The following ABCC1 variants were observed in gnomAD, a reference collection of about 807,000 sequenced individuals.
The protein encoded by ABCC1 is multidrug resistance-associated protein 1.
ABCC1 carries 83 observed loss-of-function variants against 172.9 expected under a neutral mutation model. The observed-to-expected ratio is 0.48, with a 90% CI of 0.40 to 0.58. ABCC1 has a LOEUF of 0.58. Among genes scored for constraint, ABCC1 ranks in the 20% least tolerant of loss-of-function variants. The probability of loss-of-function intolerance (pLI) is 0.00; values close to 1 mark genes in which losing one functional copy is unlikely to be tolerated. For synonymous variants in ABCC1, 937 were observed against 825.2 expected, an observed-to-expected ratio of 1.14 and a Z score of -2.32; for missense variants, 1,817 against 2,002.7, an observed-to-expected ratio of 0.91 and a Z score of 1.77.
At chr16:16,020,618 A>G (rs547824544) in intron 5 of ABCC1, among the ~76,000 whole-genome samples, 1 of 152,166 alleles carries the variant, frequency 6.6e-6, no homozygotes, top group South Asian at 2.1e-4. Flanking sequence ...CTACCATCTG[A>G]CCCTTTACAG....
chr16:16,103,674 C>G (rs547564046), intron 20 of ABCC1, among the ~76,000 whole-genome samples: 9 of 152,178 alleles, frequency 5.9e-5, no homozygotes, highest in Middle Eastern at 3.2e-3. Flanking sequence ...TATCAGACCG[C>G]GGAGATCTGA....
intron 1 of ABCC1, among the ~76,000 whole-genome samples, chr16:15,969,514 A>G (rs2046321359): frequency 1.3e-5 from 2 of 151,896 alleles, no homozygotes; most frequent in East Asian, 1.9e-4. Context: ...CTGGGATTAC[A>G]GGCATGTGCC....
At chr16:16,122,202 G>A in intron 24 of ABCC1, 28 bp downstream of exon 24, 1 of 1,612,410 alleles carries the variant, frequency 6.2e-7, no homozygotes, top group Non-Finnish European at 8.5e-7. Context: ...GCAGGAGCGG[G>A]TGGAGGAGGC....
intron 15 of ABCC1, among the ~76,000 whole-genome samples, chr16:16,076,606 C>G (rs2050583348): frequency 6.6e-6 from 1 of 152,238 alleles, no homozygotes; most frequent in Non-Finnish European, 1.5e-5. Context: ...ATGCCTAGCA[C>G]AGAGGGTTCC....
At chr16:16,016,089 G>A (rs2151761783) in intron 4 of ABCC1, among the ~76,000 whole-genome samples, 1 of 151,426 alleles carries the variant, frequency 6.6e-6, no homozygotes, top group South Asian at 2.1e-4. Flanking sequence ...CCCCTGGGGA[G>A]CCTGCAGTGT....
At chr16:15,969,679 CT>C (rs879552597) in intron 1 of ABCC1, among the ~76,000 whole-genome samples, 223 of 146,228 alleles carry the variant, frequency 1.5e-3, no homozygotes, top group Admixed American at 1.7e-3. Context: ...AGCCCATAGT[CT>C]TTTTTTTTTT....
chr16:16,125,941 G>A, intron 26 of ABCC1, 30 bp downstream of exon 26: 3 of 1,566,584 alleles, frequency 1.9e-6, no homozygotes, highest in Non-Finnish European at 2.6e-6. Flanking sequence ...TGGACCTCTT[G>A]GTCTTTGGTG....
At chr16:16,053,119 CAGA>C (rs1383372952) in intron 11 of ABCC1, among the ~76,000 whole-genome samples, 1 of 152,176 alleles carries the variant, frequency 6.6e-6, no homozygotes, top group African/African-American at 2.4e-5. Context: ...TGACTGGAAT[CAGA>C]AGGTCTGTGA....
Position 16,056,168 on chromosome 16 carries a change from T to A in ABCC1, c.1550T>A (p.Leu517His). The A allele has an allele frequency of 6.2e-7, 1 of 1,614,080 alleles. No individual in the cohort carries two copies. The change falls in exon 12 of 31, where the codon CTT becomes CAT. Residue 517 changes from leucine (L) to histidine (H), a missense_variant. Transcript: ENST00000399410. ...CTCAATGGGATCAAAGTGCTAAAGCTTTATGCCTGGGAGCTGGCATTCAAG... is the reference window on the plus strand; with the variant it reads ...CTCAATGGGATCAAAGTGCTAAAGCATTATGCCTGGGAGCTGGCATTCAAG... Reference protein sequence around the residue: ...EILNGIKVLKLYAWELAFKDK... With the variant: ...EILNGIKVLKHYAWELAFKDK...
At chr16:15,955,986 A>C (rs1486062906) in intron 1 of ABCC1, among the ~76,000 whole-genome samples, 2 of 151,994 alleles carry the variant, frequency 1.3e-5, no homozygotes, top group Non-Finnish European at 2.9e-5. Flanking sequence ...GGTGGCTTAC[A>C]CCTGTAATCT....
At chr16:15,979,958 G>T (rs569962607) in intron 1 of ABCC1, among the ~76,000 whole-genome samples, 1 of 152,178 alleles carries the variant, frequency 6.6e-6, no homozygotes, top group South Asian at 2.1e-4. Context: ...CAGGAATTCT[G>T]CACAGTGAGT....
In ABCC1 at chr16:16,036,571, G is replaced by A. The variant is rs148057395; in HGVS notation, c.777G>A (p.Lys259=). The A allele has an allele frequency of 8.1e-6, 13 of 1,614,122 alleles. No homozygotes were observed. The African/African-American group carries it at 1.6e-4, about 20-fold the overall frequency. The change falls in exon 7 of 31, where the codon AAG becomes AAA. Residue 259 remains lysine, a synonymous_variant. Coordinates refer to ENST00000399410, the MANE Select transcript of ABCC1 (RefSeq NM_004996.4). ...AACAAGTCGTGCCTGTTTTGGTAAA[G>A]AACTGGAAGAAGGAATGCGCCAAGA... ...TSEQVVPVLV[K]NWKKECAKTR... is the part of the protein sequence containing the mutation.
intron 12 of ABCC1, 72 bp from the exon 13 acceptor site, chr16:16,068,084 G>T (rs1177633928): frequency 1.9e-6 from 3 of 1,588,028 alleles, no homozygotes; most frequent in African/African-American, 2.7e-5. Flanking sequence ...CGTCTCCAGG[G>T]CCTGTCACTG....
In ABCC1 at chr16:16,124,339, G is replaced by GTGTGTGTGTGTGTGTGTA. The variant is rs1466097333; in HGVS notation, c.3591-440_3591-439insTGTGTGTATGTGTGTGTG. ...ACTGTGTGTGTGTGTGTGTGTGTGT[G>GTGTGTGTGTGTGTGTGTA]TGTGTGTGTGATTATAGGAGTGACC... is the stretch of plus-strand genomic sequence containing the variant. On this transcript the variant is annotated intron_variant, in intron 24 of 30. Coordinates refer to ENST00000399410, the MANE Select transcript of ABCC1 (RefSeq NM_004996.4). 6.7e-5 allele frequency among the ~76,000 whole-genome samples: 9 copies of GTGTGTGTGTGTGTGTGTA among 134,506 alleles called. 1 individual carries two copies. The highest frequency in any genetic ancestry group is 8.9e-5 in the African/African-American group (3 of 33,648). 88.2% of individuals were successfully genotyped at this position (134,506 alleles called of 152,430 possible).
chr16:16,138,226 C>A, intron 29 of ABCC1, 138 bp from the exon 30 acceptor site: 1 of 660,380 alleles, frequency 1.5e-6, no homozygotes, highest in Non-Finnish European at 2.5e-6. Context: ...GCTGCAGACA[C>A]AGATGTTGGG....
At chr16:15,967,420 T>G (rs1232373052) in intron 1 of ABCC1, among the ~76,000 whole-genome samples, 2 of 151,898 alleles carry the variant, frequency 1.3e-5, no homozygotes, top group Admixed American at 1.3e-4. Flanking sequence ...GTGGGGAGAT[T>G]CATTCTGCAG....
intron 12 of ABCC1, among the ~76,000 whole-genome samples, chr16:16,058,864 C>T (rs1233278667): frequency 1.3e-5 from 2 of 151,782 alleles, no homozygotes; most frequent in African/African-American, 4.8e-5. Flanking sequence ...CCATGTTGGC[C>T]AGGCTGGTCT....
At chr16:15,950,676 G>A (rs1458835512) in intron 1 of ABCC1, among the ~76,000 whole-genome samples, 4 of 152,160 alleles carry the variant, frequency 2.6e-5, no homozygotes, top group African/African-American at 9.7e-5. Context: ...TTGCCTCTTT[G>A]TTCCAGGAAG....
At chr16:16,122,755 G>A (rs1432841792) in intron 24 of ABCC1, among the ~76,000 whole-genome samples, 1 of 150,088 alleles carries the variant, frequency 6.7e-6, no homozygotes, top group Admixed American at 6.7e-5. Context: ...ATGGTGGTGT[G>A]TGCCTGTAGT....
Sources: allele counts gnomAD v4.1 joint callset (sites outside exome capture counted in the v4.1 genomes callset), GRCh38; gene constraint gnomAD v4.1.1; transcripts MANE v1.5; gene names NCBI Gene and HGNC (gene_info 2026-07-23, HGNC 2026-07-21).